The following EGFL6 variants were observed in gnomAD, a reference collection of about 807,000 sequenced individuals.
The protein encoded by EGFL6 is epidermal growth factor-like protein 6.
A neutral mutation model predicts 43.1 loss-of-function variants in EGFL6; 42 were observed. That is an observed-to-expected ratio of 0.98 (90% confidence interval 0.76 to 1.26). The LOEUF is 1.26. Among genes scored for constraint, EGFL6 ranks in the 50% most tolerant of loss-of-function variants. The probability of loss-of-function intolerance (pLI) is 0.00; values close to 1 mark genes in which losing one functional copy is unlikely to be tolerated. For synonymous variants in EGFL6, 164 were observed against 163.2 expected (o/e 1.01, Z -0.04); for missense variants, 429 against 427.8 (o/e 1.00, Z -0.02).
intron 1 of EGFL6, among the ~76,000 whole-genome samples, chrX:13,585,530 C>T (rs1407958441): frequency 5.4e-5 from 6 of 110,996 alleles, no homozygotes; most frequent in African/African-American, 1.6e-4. Context: ...CACTATAGTC[C>T]ATACATATTA....
intron 1 of EGFL6, among the ~76,000 whole-genome samples, chrX:13,571,341 T>C (rs1019935038): frequency 2.5e-4 from 28 of 111,077 alleles, no homozygotes; most frequent in African/African-American, 8.9e-4. Flanking sequence ...GAGTTAGCCA[T>C]GGTATTAAAG....
chrX:13,604,941 G>A (rs2045651813), intron 5 of EGFL6, among the ~76,000 whole-genome samples: 1 of 111,922 alleles, frequency 8.9e-6, no homozygotes, highest in Non-Finnish European at 1.9e-5. Flanking sequence ...TCAGCCAAAT[G>A]GATCCTAAAT....
chrX:13,623,286 A>ATTGCTTATAT, intron 9 of EGFL6, among the ~76,000 whole-genome samples: 1 of 106,812 alleles, frequency 9.4e-6, no homozygotes, highest in South Asian at 4.2e-4. Flanking sequence ...TCGATAAACA[A>ATTGCTTATAT]TTGCTTATAT....
At chrX:13,571,542 G>A (rs780228110) in intron 1 of EGFL6, among the ~76,000 whole-genome samples, 15 of 111,800 alleles carry the variant, frequency 1.3e-4, no homozygotes, top group Non-Finnish European at 2.6e-4. Flanking sequence ...GTTTGGAGAT[G>A]AGATTAATAG....
chrX:13,599,852 G>A lies in EGFL6; in HGVS notation c.281-123G>A, dbSNP rs111935073. ...GAATTTGATGGTCAGAGAGAAGGTG[G>A]GTAAGTGGTGGTGTTCAGGGAAGCT... On this transcript the variant is annotated intron_variant, in intron 3 of 11. Transcript: ENST00000361306. 745 of 648,569 alleles carry A rather than the reference G, an allele frequency of 1.1e-3. 5 individuals are homozygous for A. In the African/African-American group the frequency reaches 0.015, roughly 13 times the overall value. 53.4% of individuals were successfully genotyped at this position (648,569 alleles called of 1,213,427 possible).
chrX:13,587,401 TG>T (rs1230897473), intron 1 of EGFL6, among the ~76,000 whole-genome samples: 1 of 111,819 alleles, frequency 8.9e-6, no homozygotes, highest in African/African-American at 3.3e-5. Context: ...GAGTGTTACA[TG>T]CATAGACTAT....
chrX:13,576,805 C>T (rs1207785020), intron 1 of EGFL6, among the ~76,000 whole-genome samples: 3 of 111,468 alleles, frequency 2.7e-5, no homozygotes, highest in Non-Finnish European at 3.8e-5. Flanking sequence ...TGCCCAGAAT[C>T]TCACATTGAA....
At chrX:13,618,227 C>T (rs5979923) in intron 8 of EGFL6, among the ~76,000 whole-genome samples, 174 bp downstream of exon 8, 4,439 of 112,064 alleles carry the variant, frequency 0.04, 69 homozygotes, top group Non-Finnish European at 0.055. Flanking sequence ...TGCAAATACC[C>T]AATCAAACCT....
Position 13,569,608 on chromosome X carries a change from C to T in EGFL6, c.-254C>T, listed in dbSNP as rs904278976. 12 of 353,433 alleles carry T rather than the reference C, an allele frequency of 3.4e-5. No individual in the cohort carries two copies. The highest frequency in any genetic ancestry group is 5.5e-5 in the Non-Finnish European group (11 of 199,929). The allele number at this position is 353,433 out of a possible 1,213,427, so 29.1% of individuals were successfully genotyped here. A position where few individuals can be genotyped will look rare whatever the true frequency, so the allele number is the denominator to read the frequency against. On this transcript the variant is annotated 5_prime_UTR_variant, in exon 1 of 12. Transcript: ENST00000361306. Reference sequence around the variant, plus strand: ...CCCGCCCCGCCCTCCCTCGCTCACCCCGTCCAGCTTCATCCGCAGAGGAGC... The same window carrying T: ...CCCGCCCCGCCCTCCCTCGCTCACCTCGTCCAGCTTCATCCGCAGAGGAGC...
intron 9 of EGFL6, among the ~76,000 whole-genome samples, chrX:13,619,847 G>C (rs1210384148): frequency 1.8e-5 from 2 of 111,207 alleles, no homozygotes; most frequent in African/African-American, 6.5e-5. Flanking sequence ...CCTCAGTTGG[G>C]AGGATTGGAC....
At chrX:13,581,710 C>T (rs1308376146) in intron 1 of EGFL6, among the ~76,000 whole-genome samples, 2 of 112,201 alleles carry the variant, frequency 1.8e-5, no homozygotes, top group East Asian at 5.6e-4. Context: ...ACTACTTACA[C>T]AATCCCTGGA....
chrX:13,603,220 G>C lies in EGFL6; in HGVS notation c.401-97G>C, dbSNP rs913513860. 19 of 955,023 alleles carry C rather than the reference G, an allele frequency of 2.0e-5. No homozygotes were observed. The African/African-American group carries it at 3.0e-4, about 15-fold the overall frequency. The allele number at this position is 955,023 out of a possible 1,213,427, so 78.7% of individuals were successfully genotyped here. ...AACTTGTCCTATAATGCCATGCAAC[G>C]TGTTCCATTCAATGGCTCAGAATTT... On this transcript the variant is annotated intron_variant, in intron 4 of 11. Coordinates refer to ENST00000361306, the MANE Select transcript of EGFL6 (RefSeq NM_015507.4).
At chrX:13,581,593 G>A (rs1021426248) in intron 1 of EGFL6, among the ~76,000 whole-genome samples, 3 of 111,892 alleles carry the variant, frequency 2.7e-5, no homozygotes, top group Non-Finnish European at 3.8e-5. Context: ...AATTTGTCTT[G>A]GAGAATATCA....
Position 13,627,170 on chromosome X carries a change from T to C in EGFL6, c.1445T>C (p.Val482Ala). Residue 482 changes from valine (V) to alanine (A), a missense_variant, in exon 11 of 12, where the codon GTG (valine) becomes GCG (alanine). Val to Ala is a moderately conservative substitution (Grantham distance 64). Transcript: ENST00000361306. ...AAAGTCGGGAAACTTCGAGTGTTTGTGAAAAACAGTAACAATGCCCTGGCA... is the reference window on the plus strand; with the variant it reads ...AAAGTCGGGAAACTTCGAGTGTTTGCGAAAAACAGTAACAATGCCCTGGCA... Reference protein sequence around the residue: ...GDKVGKLRVFVKNSNNALAWE... With the variant: ...GDKVGKLRVFAKNSNNALAWE... 8.3e-7 allele frequency: 1 copy of C among 1,211,792 alleles called. No individual in the cohort carries two copies. Among genetic ancestry groups the C allele is most frequent in the Non-Finnish European group, 1.1e-6 (1 of 895,569 alleles).
At chrX:13,596,734 G>A (rs1001385260) in intron 3 of EGFL6, among the ~76,000 whole-genome samples, 1 of 111,451 alleles carries the variant, frequency 9.0e-6, no homozygotes, top group African/African-American at 3.3e-5. Flanking sequence ...GCCTTATCCC[G>A]GGCAACATCT....
intron 7 of EGFL6, among the ~76,000 whole-genome samples, chrX:13,616,003 G>T (rs1223004603): frequency 8.9e-6 from 1 of 111,813 alleles, no homozygotes; most frequent in Non-Finnish European, 1.9e-5. Context: ...TCTAAACTAT[G>T]TCCAAATAAT....
chrX:13,590,074 A>G (rs1257478119), intron 2 of EGFL6, among the ~76,000 whole-genome samples: 1 of 112,977 alleles, frequency 8.9e-6, no homozygotes, highest in African/African-American at 3.2e-5. Flanking sequence ...CAGCCACAAA[A>G]TAAGTACACC....
intron 11 of EGFL6, among the ~76,000 whole-genome samples, chrX:13,632,515 A>G (rs1206244460): frequency 9.2e-6 from 1 of 108,662 alleles, no homozygotes; most frequent in Admixed American, 9.9e-5. Context: ...TGTGTTAGCC[A>G]GGATGATCTT....
chrX:13,632,307 T>G (rs1246255097), intron 11 of EGFL6, among the ~76,000 whole-genome samples: 5 of 96,555 alleles, frequency 5.2e-5, no homozygotes, highest in Admixed American at 1.1e-4. Flanking sequence ...GTTTTTTTTT[T>G]TTTTTTTTTT....
Sources: gnomAD v4.1 joint callset for allele counts (sites outside exome capture counted in the v4.1 genomes callset) on GRCh38, gnomAD v4.1.1 for gene constraint, MANE v1.5 for transcripts, NCBI Gene and HGNC (gene_info 2026-07-23, HGNC 2026-07-21) for gene names.